Variants in SOX5 observed in about 807,000 individuals in gnomAD.
The protein encoded by SOX5 is transcription factor SOX-5.
Under a neutral mutation model 92.0 loss-of-function variants are expected in SOX5, and 9 were observed. That is an observed-to-expected ratio of 0.10 (90% CI 0.06 to 0.17). The LOEUF (loss-of-function observed/expected upper bound fraction) is 0.17. Among genes scored for constraint, SOX5 ranks in the 10% least tolerant of loss-of-function variants. SOX5 has a pLI of 1.00. For synonymous variants in SOX5, 344 were observed against 336.3 expected (o/e 1.02, Z -0.25); for missense variants, 642 against 944.5 (o/e 0.68, Z 4.20).
chr12:23,766,063 T>G (rs1406877173), intron 3 of SOX5, among the ~76,000 whole-genome samples: 1 of 152,166 alleles, frequency 6.6e-6, no homozygotes, highest in African/African-American at 2.4e-5. Context: ...GATGCCTTAC[T>G]TGAATTATTA....
chr12:23,581,287 G>A (rs1950010448), intron 9 of SOX5, among the ~76,000 whole-genome samples: 1 of 151,938 alleles, frequency 6.6e-6, no homozygotes, highest in Non-Finnish European at 1.5e-5. Flanking sequence ...TCACAACATG[G>A]AAATATACCC....
chr12:24,395,503 T>C (rs1959694705), intron 1 of SOX5, among the ~76,000 whole-genome samples: 1 of 152,220 alleles, frequency 6.6e-6, no homozygotes, highest in Admixed American at 6.5e-5. Context: ...TCCTTACCTA[T>C]GAAGCTGGTG....
At chr12:23,844,577 T>C (rs996416805) in intron 3 of SOX5, among the ~76,000 whole-genome samples, 1 of 152,110 alleles carries the variant, frequency 6.6e-6, no homozygotes. Context: ...TATCCCACTT[T>C]GTATGTCTGT....
chr12:24,308,887 T>C (rs958657564), intron 2 of SOX5, among the ~76,000 whole-genome samples: 2 of 152,112 alleles, frequency 1.3e-5, no homozygotes, highest in Admixed American at 1.3e-4. Flanking sequence ...CACAGCACAC[T>C]ATGGCTCTAC....
chr12:23,691,535 C>A (rs377006212), intron 6 of SOX5, among the ~76,000 whole-genome samples: 1 of 152,172 alleles, frequency 6.6e-6, no homozygotes, highest in Non-Finnish European at 1.5e-5. Context: ...GATTTTAAAC[C>A]ACTAAGTCAA....
Position 23,531,378 on chromosome 12 carries a change from AAAGTGT to A in SOX5, c.*2835_*2840del, listed in dbSNP as rs1273911237. 2 of 152,204 alleles carry A rather than the reference AAAGTGT, an allele frequency of 1.3e-5. No individual in the cohort carries two copies. The highest frequency in any genetic ancestry group is 4.8e-5 in the African/African-American group (2 of 41,456). 9.4% of individuals were successfully genotyped at this position (152,204 alleles called of 1,614,324 possible). A position where few individuals can be genotyped will look rare whatever the true frequency, so the allele number is the denominator to read the frequency against. ...TATAACAAAAAAAAGACCAAACACC[AAAGTGT>A]TGTCAATTCATCGGTAAGTGTGTTA... On this transcript the variant is annotated 3_prime_UTR_variant, in exon 15 of 15. Coordinates refer to ENST00000451604, the MANE Select transcript of SOX5 (RefSeq NM_006940.6).
rs540983717 is a variant in SOX5, at chr12:23,750,422, G to A, written c.568+5216C>T. 4.2e-4 allele frequency among the ~76,000 whole-genome samples: 64 copies of A among 151,976 alleles called. No homozygotes were observed. The South Asian group carries it at 0.013, about 30-fold the overall frequency. ...GGTAGCCCAATTTCCACAAGTACTT[G>A]GAAGAATCAGTCCACATAACATCAA... On this transcript the variant is annotated intron_variant, in intron 4 of 14. Coordinates refer to ENST00000451604, the MANE Select transcript of SOX5 (RefSeq NM_006940.6).
intron 7 of SOX5, among the ~76,000 whole-genome samples, chr12:23,664,778 G>A (rs563807835): frequency 1.3e-5 from 2 of 152,136 alleles, no homozygotes; most frequent in African/African-American, 2.4e-5. Flanking sequence ...ATTCAAAAAC[G>A]TTGAATGGTG....
chr12:24,357,206 G>T (rs773787238), intron 2 of SOX5: 4 of 152,160 alleles, frequency 2.6e-5, no homozygotes, highest in Non-Finnish European at 4.4e-5. Context: ...TTATCTTCCT[G>T]TACCGCCATT....
intron 4 of SOX5, among the ~76,000 whole-genome samples, chr12:24,035,474 T>C (rs1260701798): frequency 2.0e-5 from 3 of 152,004 alleles, no homozygotes; most frequent in African/African-American, 7.3e-5. Context: ...AATGTATAAA[T>C]CAAATCATCC....
chr12:24,029,661 C>A (rs576575054), intron 4 of SOX5, among the ~76,000 whole-genome samples: 1 of 152,036 alleles, frequency 6.6e-6, no homozygotes, highest in South Asian at 2.1e-4. Flanking sequence ...CTCCTAATTG[C>A]ATTTATTTTT....
chr12:23,809,077 A>C (rs2971157), intron 3 of SOX5, among the ~76,000 whole-genome samples: 70,070 of 151,956 alleles, frequency 0.46, 16,536 homozygotes, highest in East Asian at 0.84. Context: ...ATATAATGAA[A>C]TACAAATTTG....
intron 2 of SOX5, among the ~76,000 whole-genome samples, chr12:23,873,302 CT>C (rs1270795416): frequency 2.0e-5 from 2 of 97,746 alleles, no homozygotes; most frequent in Non-Finnish European, 4.4e-5. Context: ...GAAACTGTCT[CT>C]CCAAAAAAAA....
chr12:23,794,062 A>T (rs1201360405), intron 3 of SOX5, among the ~76,000 whole-genome samples: 1 of 152,184 alleles, frequency 6.6e-6, no homozygotes. Flanking sequence ...TGTTTAATGT[A>T]ATATGAATTA....
chr12:24,347,122 T>TA (rs1396985201), intron 2 of SOX5, among the ~76,000 whole-genome samples: 4 of 152,128 alleles, frequency 2.6e-5, no homozygotes, highest in Non-Finnish European at 5.9e-5. Flanking sequence ...CAATCTAGGA[T>TA]AGAAAATATT....
intron 4 of SOX5, among the ~76,000 whole-genome samples, chr12:24,157,459 G>A (rs145169846): frequency 1.3e-5 from 2 of 152,038 alleles, no homozygotes; most frequent in African/African-American, 4.8e-5. Flanking sequence ...GTCACAACTT[G>A]TTTCTCACCT....
chr12:24,105,077 A>G (rs1293365019), intron 4 of SOX5, among the ~76,000 whole-genome samples: 1 of 152,188 alleles, frequency 6.6e-6, no homozygotes, highest in Non-Finnish European at 1.5e-5. Flanking sequence ...GGTCCATCTG[A>G]TAATGTCATT....
intron 4 of SOX5, among the ~76,000 whole-genome samples, chr12:24,186,134 C>T (rs1283593807): frequency 1.3e-5 from 2 of 151,856 alleles, no homozygotes; most frequent in African/African-American, 2.4e-5. Flanking sequence ...TAGGATATTA[C>T]CAGGCAGAAA....
chr12:24,245,940 T>C (rs978534732), intron 3 of SOX5, among the ~76,000 whole-genome samples: 2 of 152,124 alleles, frequency 1.3e-5, no homozygotes, highest in Non-Finnish European at 2.9e-5. Context: ...TGTGGAAATT[T>C]TTACTTATCC....
Sources: allele counts gnomAD v4.1 joint callset (sites outside exome capture counted in the v4.1 genomes callset), GRCh38; gene constraint gnomAD v4.1.1; transcripts MANE v1.5; gene names NCBI Gene and HGNC (gene_info 2026-07-23, HGNC 2026-07-21).